TMF1: variants seen among roughly 807,000 people sequenced by gnomAD.
TMF1 encodes the protein TATA element modulatory factor 1.
A neutral mutation model predicts 126.5 loss-of-function variants in TMF1; 71 were observed. The observed-to-expected ratio is 0.56, with a 90% confidence interval of 0.46 to 0.68. The LOEUF (loss-of-function observed/expected upper bound fraction) is 0.68, where lower values mean the gene tolerates loss of function less well. Ranked by LOEUF, TMF1 falls within the 30% of genes least tolerant of loss-of-function variation. The probability of loss-of-function intolerance (pLI) is 0.00; values close to 1 mark genes in which losing one functional copy is unlikely to be tolerated. For synonymous variants in TMF1, 461 were observed against 430.5 expected (o/e 1.07, Z -0.88); for missense variants, 1,259 against 1,253.2 (o/e 1.00, Z -0.07).
At chr3:69,025,316 T>C (rs1180213692) in intron 15 of TMF1, 2 of 381,618 alleles carry the variant, frequency 5.2e-6, no homozygotes, top group Non-Finnish European at 9.4e-6. Flanking sequence ...AGCCCAGCAT[T>C]TCCTGTGACA....
Position 69,047,951 on chromosome 3 carries a change from C to A in TMF1, c.754G>T (p.Gly252Cys). 1 of 1,613,820 alleles carries A rather than the reference C, an allele frequency of 6.2e-7. No homozygotes were observed. Among genetic ancestry groups the A allele is most frequent in the Non-Finnish European group, 8.5e-7 (1 of 1,180,024 alleles). ...PSPPVSTFSS[G>C]TSTTSDIEVL... is the part of the protein sequence containing the mutation. ...TCAATATCACTGGTGGTAGAAGTAC[C>A]TGATGAAAAGGTACTAACAGGAGGA... The change falls in exon 2 of 17, where the codon GGT (glycine) becomes TGT (cysteine). Residue 252 changes from glycine (G) to cysteine (C), a missense_variant. Coordinates refer to ENST00000398559, the MANE Select transcript of TMF1 (RefSeq NM_007114.3).
rs765424845 is a variant in TMF1 at position 69,047,584 on chromosome 3, T to G, written c.1121A>C (p.Glu374Ala). 3.1e-6 allele frequency: 5 copies of G among 1,614,152 alleles called. No homozygotes were observed. The South Asian group carries it at 3.3e-5, about 11-fold the overall frequency. ...TTCATTTACTTCTTCAGATTTTCCT[T>G]CAGCAGATTCAACTGTTTTAGACTT... is the stretch of plus-strand genomic sequence containing the variant. ...TPKSKTVESA[E>A]GKSEEVNETL... Residue 374 changes from glutamate (E) to alanine (A), a missense_variant, in exon 2 of 17, where the codon GAA (glutamate) becomes GCA (alanine). Physicochemically the swap from Glu to Ala is moderately radical, Grantham distance 107 (BLOSUM62 -1). Transcript: ENST00000398559.
intron 12 of TMF1, 21 bp from the exon 13 acceptor site, chr3:69,028,013 T>C (rs767720534): frequency 2.1e-6 from 3 of 1,426,458 alleles, no homozygotes; most frequent in African/African-American, 1.4e-5. Flanking sequence ...GAAATAAAGT[T>C]AGACAATTTC....
intron 1 of TMF1, chr3:69,048,795 A>G: frequency 2.5e-6 from 1 of 397,228 alleles, no homozygotes. Context: ...AGGAGCACAG[A>G]CAAAAGACTG....
chr3:69,038,806 C>G (rs1200252365), intron 7 of TMF1, 37 bp downstream of exon 7: 2 of 1,584,194 alleles, frequency 1.3e-6, no homozygotes, highest in South Asian at 2.3e-5. Flanking sequence ...TCTGATAATT[C>G]ATTCTAAATG....
chr3:69,023,831 C>G (rs915337819), intron 16 of TMF1, among the ~76,000 whole-genome samples: 1 of 152,188 alleles, frequency 6.6e-6, no homozygotes, highest in East Asian at 1.9e-4. Context: ...CAAATGAAAT[C>G]TAGTTCTTTT....
chr3:69,024,025 T>TA, intron 16 of TMF1, 30 bp downstream of exon 16: 4 of 1,577,612 alleles, frequency 2.5e-6, no homozygotes, highest in Non-Finnish European at 1.7e-6. Context: ...TAAAATATCT[T>TA]AGACTCATCC....
intron 5 of TMF1, 89 bp downstream of exon 5, chr3:69,042,718 T>C: frequency 9.1e-7 from 1 of 1,096,108 alleles, no homozygotes; most frequent in Non-Finnish European, 1.4e-6. Context: ...CTTTCAGTAT[T>C]TTTAATTAGG....
chr3:69,026,094 G>A lies in TMF1; in HGVS notation c.2761C>T (p.Arg921Cys), dbSNP rs199525986. The A allele has an allele frequency of 1.1e-4, 175 of 1,609,912 alleles. 1 individual carries two copies. The highest frequency in any genetic ancestry group is 2.7e-4 in the South Asian group (24 of 90,396). ...FTQETIKEKE[R>C]KPFSVSSTPT... The stretch of plus-strand genomic sequence containing the variant: ...GTGCTAGAAACAGAAAATGGCTTGC[G>A]TTCCTTAGGGAGTAAAAAAAATTCT... The change falls in exon 14 of 17, where the codon CGC becomes TGC. Residue 921 changes from arginine (R) to cysteine (C), a missense_variant. Arg to Cys is a radical substitution (Grantham distance 180). Coordinates refer to ENST00000398559, the MANE Select transcript of TMF1 (RefSeq NM_007114.3).
In TMF1 at chr3:69,048,427, G is replaced by C. The variant is rs1433603581; in HGVS notation, c.278C>G (p.Ser93Cys). Reference protein sequence around the residue: ...KPVRRTVVDESENFFSAFLSP... With the variant: ...KPVRRTVVDECENFFSAFLSP... ...GAGAAAGGCACTGAAGAAATTTTCA[G>C]ATTCATCGACCACAGTCCTCCGAAC... Residue 93 changes from serine to cysteine, a missense_variant, in exon 2 of 17, where the codon TCT becomes TGT. Transcript: ENST00000398559. The C allele has an allele frequency of 1.2e-6, 2 of 1,614,154 alleles. No homozygotes were observed. Among genetic ancestry groups the C allele is most frequent in the South Asian group, 1.1e-5 (1 of 91,086 alleles).
intron 10 of TMF1, chr3:69,030,542 G>C (rs2091794799): frequency 6.6e-6 from 1 of 152,196 alleles, no homozygotes; most frequent in South Asian, 2.1e-4. Flanking sequence ...AAACTACAGA[G>C]TGAGAGCAAA....
chr3:69,038,417 C>A, intron 8 of TMF1, 147 bp downstream of exon 8: 1 of 915,884 alleles, frequency 1.1e-6, no homozygotes, highest in South Asian at 1.9e-5. Context: ...TTAAAAAACA[C>A]AACTGGTTAA....
chr3:69,026,561 G>C (rs576479720), intron 13 of TMF1, among the ~76,000 whole-genome samples: 3 of 152,066 alleles, frequency 2.0e-5, no homozygotes, highest in African/African-American at 4.8e-5. Flanking sequence ...TGGAGGTGGC[G>C]GTGAGCTGAG....
intron 13 of TMF1, 84 bp from the exon 14 acceptor site, chr3:69,026,181 G>A (rs1485618185): frequency 1.2e-6 from 1 of 841,018 alleles, no homozygotes; most frequent in Non-Finnish European, 1.9e-6. Context: ...GGGTTAATGA[G>A]AACAAAGATT....
rs140977386 is a variant in TMF1 at position 69,023,020 on chromosome 3, A to C, written c.*157T>G. The C allele has an allele frequency of 6.4e-4, 318 of 496,688 alleles. 1 individual carries two copies. The highest frequency in any genetic ancestry group is 5.6e-3 in the African/African-American group (284 of 50,270). The allele number at this position is 496,688 out of a possible 1,614,324, so 30.8% of individuals were successfully genotyped here. On this transcript the variant is annotated 3_prime_UTR_variant, in exon 17 of 17. Transcript: ENST00000398559. ...ATTGCACAAAATAATTTAACTGTAA[A>C]TATTACTACATAGTGTAAAACAATT... is the stretch of plus-strand genomic sequence containing the variant.
rs1206855501 is a variant in TMF1 at position 69,047,772 on chromosome 3, T to C, written c.933A>G (p.Gln311=). The C allele has an allele frequency of 3.7e-6, 6 of 1,614,012 alleles. No individual in the cohort carries two copies. Among genetic ancestry groups the C allele is most frequent in the African/African-American group, 2.7e-5 (2 of 74,922 alleles). ...CPEYNRLDDF[Q]KLTESCCSSD... ...ATGAACAGCAACTCTCAGTGAGTTT[T>C]TGGAAATCATCTAAACGATTATATT... Residue 311 remains glutamine (Q), a synonymous_variant, in exon 2 of 17, where the codon CAA becomes CAG. Coordinates refer to ENST00000398559, the MANE Select transcript of TMF1 (RefSeq NM_007114.3).
intron 16 of TMF1, 149 bp downstream of exon 16, chr3:69,023,906 A>G: frequency 5.9e-6 from 4 of 682,916 alleles, no homozygotes; most frequent in Non-Finnish European, 8.8e-6. Flanking sequence ...AAGCAAGATA[A>G]AAGATTCATT....
rs755905180 is a variant in TMF1 at position 69,021,399 on chromosome 3, T to C, written c.*1778A>G. 7 of 152,550 alleles carry C rather than the reference T, an allele frequency of 4.6e-5. No homozygotes were observed. Among genetic ancestry groups the C allele is most frequent in the Non-Finnish European group, 8.8e-5 (6 of 68,010 alleles). The allele number at this position is 152,550 out of a possible 1,614,324, so 9.4% of individuals were successfully genotyped here. On this transcript the variant is annotated 3_prime_UTR_variant, in exon 17 of 17. Transcript: ENST00000398559. ...TCTGTCCTGTCATTCTGCCCTTGAA[T>C]ATTACACACACAAAAAAATCAAGCT... is the stretch of plus-strand genomic sequence containing the variant.
Position 69,050,266 on chromosome 3 carries a change from AAAAAAAAC to A in TMF1, c.142+1671_142+1678del, listed in dbSNP as rs1447134412. ...CAGAGTGAGACTGTGTCTCAAAAAA[AAAAAAAAC>A]AAAAAAACAAATATATATATATGTA... On this transcript the variant is annotated intron_variant, in intron 1 of 16. Coordinates refer to ENST00000398559, the MANE Select transcript of TMF1 (RefSeq NM_007114.3). Among the ~76,000 whole-genome samples, 5 of 151,514 alleles carry A rather than the reference AAAAAAAAC, an allele frequency of 3.3e-5. 1 individual carries two copies. The highest frequency in any genetic ancestry group is 7.4e-5 in the Non-Finnish European group (5 of 67,894).
Sources: allele counts gnomAD v4.1 joint callset (sites outside exome capture counted in the v4.1 genomes callset), GRCh38; gene constraint gnomAD v4.1.1; transcripts MANE v1.5; gene names NCBI Gene and HGNC (gene_info 2026-07-23, HGNC 2026-07-21).